CSMD1: variants seen among roughly 807,000 people sequenced by gnomAD.
CSMD1 encodes the protein CUB and Sushi multiple domains 1.
In CSMD1, 213 loss-of-function variants were observed where a neutral mutation model predicts 417.5. The ratio of observed to expected loss-of-function variants is 0.51; its 90% CI spans 0.46 to 0.57. CSMD1 has a LOEUF of 0.57. CSMD1 is among the 20% of genes least tolerant of loss of function. The pLI, the probability that CSMD1 is intolerant of heterozygous loss-of-function variation, is 0.00. For missense variants in CSMD1, 6,923 were observed against 4,529.7 expected, an observed-to-expected ratio of 1.53 and a Z score of -15.17; for synonymous variants, 2,862 against 1,736.8, an observed-to-expected ratio of 1.65 and a Z score of -16.11.
chr8:4,096,308 T>G (rs1186482623), intron 3 of CSMD1, among the ~76,000 whole-genome samples: 1 of 152,068 alleles, frequency 6.6e-6, no homozygotes, highest in African/African-American at 2.4e-5. Context: ...ATCACCACAT[T>G]TGTCTGCAGA....
chr8:3,366,008 CTCATAAGTGGCA>C (rs1012284304), intron 20 of CSMD1, among the ~76,000 whole-genome samples: 1 of 152,128 alleles, frequency 6.6e-6, no homozygotes, highest in Non-Finnish European at 1.5e-5. Flanking sequence ...GACACATAAT[CTCATAAGTGGCA>C]TCAGAAGTTA....
chr8:3,217,334 C>T (rs989752895), intron 29 of CSMD1, among the ~76,000 whole-genome samples: 21 of 152,328 alleles, frequency 1.4e-4, no homozygotes, highest in African/African-American at 2.2e-4. Context: ...ATGGCCATAC[C>T]GGTTACCCAA....
intron 5 of CSMD1, among the ~76,000 whole-genome samples, chr8:3,886,511 G>T (rs1336597538): frequency 1.3e-5 from 2 of 152,194 alleles, no homozygotes; most frequent in Non-Finnish European, 2.9e-5. Context: ...ACCCAGCAGT[G>T]CTGCTGAAGT....
chr8:4,218,919 A>G (rs1425771606), intron 3 of CSMD1, among the ~76,000 whole-genome samples: 1 of 152,004 alleles, frequency 6.6e-6, no homozygotes, highest in Non-Finnish European at 1.5e-5. Context: ...TTGGATCTGA[A>G]CCCTTGGGGT....
intron 1 of CSMD1, among the ~76,000 whole-genome samples, chr8:4,992,639 C>T (rs931819107): frequency 3.9e-5 from 6 of 152,216 alleles, no homozygotes; most frequent in African/African-American, 1.4e-4. Flanking sequence ...ACCCTCTTTT[C>T]CCTAGACTTT....
At chr8:4,205,591 T>A (rs1585020189) in intron 3 of CSMD1, among the ~76,000 whole-genome samples, 1 of 152,058 alleles carries the variant, frequency 6.6e-6, no homozygotes, top group Non-Finnish European at 1.5e-5. Context: ...AATGATGGGG[T>A]AGGATGAAGC....
intron 3 of CSMD1, among the ~76,000 whole-genome samples, chr8:4,292,523 A>AT (rs1167969344): frequency 2.0e-5 from 3 of 152,064 alleles, no homozygotes; most frequent in African/African-American, 7.2e-5. Context: ...GAGTGCTGGG[A>AT]TTACAGCCCA....
At chr8:4,671,225 C>T (rs1805304729) in intron 1 of CSMD1, among the ~76,000 whole-genome samples, 1 of 152,108 alleles carries the variant, frequency 6.6e-6, no homozygotes, top group Non-Finnish European at 1.5e-5. Flanking sequence ...GTATTCAATC[C>T]TTTTACCATT....
At chr8:4,024,871 G>C (rs750501259) in intron 4 of CSMD1, among the ~76,000 whole-genome samples, 1 of 152,164 alleles carries the variant, frequency 6.6e-6, no homozygotes, top group Non-Finnish European at 1.5e-5. Context: ...CTTAAGTAAG[G>C]TTTGCTAAAA....
At chr8:3,981,898 C>G (rs1813899714) in intron 5 of CSMD1, among the ~76,000 whole-genome samples, 1 of 152,100 alleles carries the variant, frequency 6.6e-6, no homozygotes, top group Non-Finnish European at 1.5e-5. Context: ...TCATACAGAA[C>G]TAGTTACAAT....
At position 3,142,958 on chromosome 8, in the gene CSMD1, G is replaced by T. The variant is rs116653851; in HGVS notation, c.6032-284C>A. On this transcript the variant is annotated intron_variant, in intron 40 of 69. Transcript: ENST00000635120. ...CAGCACCGTACCACAGAGCTACACA[G>T]GTGGAATCCTTAGGTAACAACTAGC... is the stretch of plus-strand genomic sequence containing the variant. Among the ~76,000 whole-genome samples the T allele has an allele frequency of 4.8e-3, 730 of 152,304 alleles. 5 individuals are homozygous for T. Among genetic ancestry groups the T allele is most frequent in the African/African-American group, 0.017 (688 of 41,558 alleles).
rs116391165 is a variant in CSMD1, at chr8:3,067,100, T to A, written c.7475-14453A>T. 8.3e-3 allele frequency among the ~76,000 whole-genome samples: 1,254 copies of A among 151,852 alleles called. 13 individuals carry two copies. The highest frequency in any genetic ancestry group is 0.029 in the African/African-American group (1,206 of 41,454). ...CTGGGGCCTGGCACAGAACAAGAGG[T>A]CAATACAATCAGTCTACGGAATGAA... On this transcript the variant is annotated intron_variant, in intron 49 of 69. Transcript: ENST00000635120.
intron 52 of CSMD1, 112 bp downstream of exon 52, chr8:3,018,365 C>G (rs187727615): frequency 3.1e-5 from 30 of 956,748 alleles, no homozygotes; most frequent in African/African-American, 3.1e-4. Flanking sequence ...AGCATTTCCA[C>G]CCCAGGTAGG....
chr8:4,618,924 G>C (rs1295504334), intron 2 of CSMD1, among the ~76,000 whole-genome samples: 3 of 152,054 alleles, frequency 2.0e-5, no homozygotes, highest in Non-Finnish European at 4.4e-5. Flanking sequence ...CTTCACAAAA[G>C]AAACCACAAT....
At chr8:3,879,673 T>C (rs1392527032) in intron 5 of CSMD1, among the ~76,000 whole-genome samples, 1 of 152,206 alleles carries the variant, frequency 6.6e-6, no homozygotes. Flanking sequence ...CAATATTTCT[T>C]GACGTCACAT....
chr8:4,363,879 A>G (rs1336091909), intron 3 of CSMD1, among the ~76,000 whole-genome samples: 2 of 152,228 alleles, frequency 1.3e-5, no homozygotes, highest in Non-Finnish European at 2.9e-5. Flanking sequence ...CATAGAGAGT[A>G]AAGGACGGTT....
intron 26 of CSMD1, chr8:3,278,807 G>C (rs566142584): frequency 1.3e-5 from 2 of 152,214 alleles, no homozygotes; most frequent in South Asian, 4.1e-4. Context: ...CCTTTGGTTT[G>C]GAAAGACACC....
intron 5 of CSMD1, among the ~76,000 whole-genome samples, chr8:3,909,894 A>C (rs765941049): frequency 5.3e-5 from 8 of 152,204 alleles, no homozygotes; most frequent in Non-Finnish European, 7.3e-5. Flanking sequence ...TTAAAAGACT[A>C]AGCCCTGTAT....
At chr8:4,579,497 G>T (rs567890417) in intron 2 of CSMD1, among the ~76,000 whole-genome samples, 3 of 151,842 alleles carry the variant, frequency 2.0e-5, no homozygotes, top group East Asian at 1.9e-4. Flanking sequence ...TAAGTAGCTG[G>T]GATTACAGGC....
Sources: gnomAD v4.1 joint callset for allele counts (sites outside exome capture counted in the v4.1 genomes callset) on GRCh38, gnomAD v4.1.1 for gene constraint, MANE v1.5 for transcripts, NCBI Gene and HGNC (gene_info 2026-07-23, HGNC 2026-07-21) for gene names.